The following CRPPA variants were observed in gnomAD, a reference collection of about 807,000 sequenced individuals.
CRPPA encodes CDP-L-ribitol pyrophosphorylase A.
In CRPPA, 43 loss-of-function variants were observed where a neutral mutation model predicts 52.0. That is an observed-to-expected ratio of 0.83 (90% CI 0.65 to 1.07). The LOEUF (loss-of-function observed/expected upper bound fraction) is 1.07. CRPPA is among the 50% of genes least tolerant of loss of function. The pLI, the probability that CRPPA is intolerant of heterozygous loss-of-function variation, is 0.00. For missense variants in CRPPA, 629 were observed against 551.7 expected (o/e 1.14, Z -1.40); for synonymous variants, 250 against 203.5 (o/e 1.23, Z -1.94).
chr7:16,329,174 G>C (rs1051070326), intron 3 of CRPPA, among the ~76,000 whole-genome samples: 1 of 152,096 alleles, frequency 6.6e-6, no homozygotes, highest in African/African-American at 2.4e-5. Flanking sequence ...GAGGCAAGTC[G>C]GGCTTGTTCA....
Position 16,226,784 on chromosome 7 carries a change from G to A in CRPPA, c.1120-10587C>T, listed in dbSNP as rs118099840. ...GACTAAATCTATACAATATACATAT[G>A]TATGGCCTCATAGTTATCAGTTTTG... On this transcript the variant is annotated intron_variant, in intron 8 of 9. Coordinates refer to ENST00000407010, the MANE Select transcript of CRPPA (RefSeq NM_001101426.4). 8.8e-4 allele frequency among the ~76,000 whole-genome samples: 134 copies of A among 151,970 alleles called. 7 individuals are homozygous for A. The East Asian group carries it at 0.024, about 27-fold the overall frequency.
intron 9 of CRPPA, among the ~76,000 whole-genome samples, chr7:16,104,007 A>G (rs533192728): frequency 6.6e-6 from 1 of 152,222 alleles, no homozygotes; most frequent in Non-Finnish European, 1.5e-5. Context: ...TGGGGCAAAG[A>G]AAAGGATCAT....
intron 3 of CRPPA, among the ~76,000 whole-genome samples, chr7:16,369,530 A>C (rs910838368): frequency 6.6e-6 from 1 of 152,176 alleles, no homozygotes; most frequent in African/African-American, 2.4e-5. Flanking sequence ...AAACAGTATA[A>C]AATAATATGA....
intron 9 of CRPPA, among the ~76,000 whole-genome samples, chr7:16,094,058 AT>A (rs1478178109): frequency 6.6e-5 from 10 of 152,184 alleles, no homozygotes; most frequent in Non-Finnish European, 1.2e-4. Flanking sequence ...GAAAAATCAC[AT>A]TTCTATATCT....
intron 9 of CRPPA, among the ~76,000 whole-genome samples, chr7:16,193,334 G>T (rs996968332): frequency 6.6e-6 from 1 of 151,814 alleles, no homozygotes; most frequent in Non-Finnish European, 1.5e-5. Flanking sequence ...ATATTTGTTT[G>T]TAGTATATAA....
intron 9 of CRPPA, among the ~76,000 whole-genome samples, chr7:16,131,194 G>A (rs1055841467): frequency 1.3e-5 from 2 of 152,208 alleles, no homozygotes; most frequent in Non-Finnish European, 2.9e-5. Context: ...AAGAGACTTT[G>A]AAACTGGATA....
chr7:16,152,113 A>G (rs1783086874), intron 9 of CRPPA, among the ~76,000 whole-genome samples: 1 of 152,018 alleles, frequency 6.6e-6, no homozygotes, highest in Non-Finnish European at 1.5e-5. Flanking sequence ...AATCAATGTG[A>G]ATGTGGTAAA....
At position 16,154,973 on chromosome 7, in the gene CRPPA, C is replaced by CT. The variant is rs11363510; in HGVS notation, c.1251+61092dup. Among the ~76,000 whole-genome samples the CT allele has an allele frequency of 2.8e-3, 353 of 126,976 alleles. 1 individual carries two copies. Among genetic ancestry groups the CT allele is most frequent in the African/African-American group, 7.1e-3 (240 of 33,842 alleles). 83.3% of individuals were successfully genotyped at this position (126,976 alleles called of 152,430 possible). ...GCACCACACACCCAGCTAATTTTTT[C>CT]TTTTTTTTTTTTTTTTTGGATTTTT... On this transcript the variant is annotated intron_variant, in intron 9 of 9. Transcript: ENST00000407010.
chr7:16,391,363 T>A (rs1787439584), intron 2 of CRPPA, among the ~76,000 whole-genome samples: 1 of 152,142 alleles, frequency 6.6e-6, no homozygotes, highest in Admixed American at 6.6e-5. Flanking sequence ...CTTCTCACTG[T>A]CTCTGCTATC....
intron 6 of CRPPA, among the ~76,000 whole-genome samples, chr7:16,260,567 C>G (rs1013518546): frequency 6.6e-6 from 1 of 151,986 alleles, no homozygotes; most frequent in African/African-American, 2.4e-5. Flanking sequence ...AGATCTTCCA[C>G]CAATATCTAT....
At chr7:16,182,355 C>G (rs1781428841) in intron 9 of CRPPA, among the ~76,000 whole-genome samples, 1 of 151,722 alleles carries the variant, frequency 6.6e-6, no homozygotes, top group African/African-American at 2.4e-5. Context: ...GGTAAATAAG[C>G]CACAGTAAAA....
chr7:16,201,498 C>A (rs1454054642), intron 9 of CRPPA, among the ~76,000 whole-genome samples: 1 of 152,208 alleles, frequency 6.6e-6, no homozygotes, highest in East Asian at 1.9e-4. Flanking sequence ...AAACCCTGGA[C>A]TCAGCCTCAC....
At chr7:16,266,013 A>C (rs1404895150) in intron 6 of CRPPA, among the ~76,000 whole-genome samples, 2 of 152,208 alleles carry the variant, frequency 1.3e-5, no homozygotes, top group Non-Finnish European at 2.9e-5. Flanking sequence ...TGTCACAGAC[A>C]TCACAACACC....
At chr7:16,198,097 C>T (rs1380155604) in intron 9 of CRPPA, among the ~76,000 whole-genome samples, 3 of 85,186 alleles carry the variant, frequency 3.5e-5, no homozygotes, top group African/African-American at 1.4e-4. Context: ...AATATGGCCT[C>T]GTGGGAAGGG....
At chr7:16,125,888 TACACACACACACACACACACACAC>T (rs3083131) in intron 9 of CRPPA, among the ~76,000 whole-genome samples, 6 of 134,150 alleles carry the variant, frequency 4.5e-5, no homozygotes, top group Admixed American at 3.0e-4. Context: ...GAAGCTTGCC[TACACACACACACACACACACACAC>T]ACACACACAC....
chr7:16,095,995 T>C (rs972690132), intron 9 of CRPPA, among the ~76,000 whole-genome samples: 1 of 152,064 alleles, frequency 6.6e-6, no homozygotes, highest in African/African-American at 2.4e-5. Flanking sequence ...TGAGTCCAGC[T>C]AGAATGAAGA....
intron 2 of CRPPA, among the ~76,000 whole-genome samples, chr7:16,397,682 C>T (rs545066251): frequency 1.3e-5 from 2 of 152,248 alleles, no homozygotes; most frequent in East Asian, 1.9e-4. Flanking sequence ...CCGACAAACA[C>T]GTGACTGACA....
rs375569023 is a variant in CRPPA at position 16,186,966 on chromosome 7, T to C, written c.1251+29100A>G. 3.3e-4 allele frequency among the ~76,000 whole-genome samples: 51 copies of C among 152,308 alleles called. 2 individuals are homozygous for C. In the East Asian group the frequency reaches 4.8e-3, roughly 14 times the overall value. The stretch of plus-strand genomic sequence containing the variant: ...AAGATTAACATTCACATTTTAGGCA[T>C]ATAATTTTAATCTTTGCTCATGTGC... On this transcript the variant is annotated intron_variant, in intron 9 of 9. Coordinates refer to ENST00000407010, the MANE Select transcript of CRPPA (RefSeq NM_001101426.4).
chr7:16,189,840 C>A (rs887090252), intron 9 of CRPPA, among the ~76,000 whole-genome samples: 2 of 152,020 alleles, frequency 1.3e-5, no homozygotes, highest in African/African-American at 4.8e-5. Flanking sequence ...TGAAAATATC[C>A]AAGGTAAATA....
Sources: allele counts gnomAD v4.1 joint callset (sites outside exome capture counted in the v4.1 genomes callset), GRCh38; gene constraint gnomAD v4.1.1; transcripts MANE v1.5; gene names NCBI Gene and HGNC (gene_info 2026-07-23, HGNC 2026-07-21).